The following LUC7L2 variants were observed in gnomAD, a reference collection of about 807,000 sequenced individuals.
The protein encoded by LUC7L2 is LUC7 like 2, pre-mRNA splicing factor.
Under a neutral mutation model 52.8 loss-of-function variants are expected in LUC7L2, and 25 were observed. The observed-to-expected ratio is 0.47, with a 90% confidence interval of 0.34 to 0.66. The LOEUF is 0.66. Among genes scored for constraint, LUC7L2 ranks in the 30% least tolerant of loss-of-function variants. LUC7L2 has a pLI of 0.01. For synonymous variants in LUC7L2, 144 were observed against 160.9 expected (o/e 0.89, Z 0.80); for missense variants, 328 against 497.8 (o/e 0.66, Z 3.25).
At chr7:139,377,545 C>G (rs1800780193) in intron 2 of LUC7L2, among the ~76,000 whole-genome samples, 1 of 152,098 alleles carries the variant, frequency 6.6e-6, no homozygotes, top group African/African-American at 2.4e-5. Flanking sequence ...AGGTGCCCAC[C>G]ACCATGCCCA....
chr7:139,344,046 C>T (rs1563247684), intron 1 of LUC7L2, among the ~76,000 whole-genome samples: 1 of 152,006 alleles, frequency 6.6e-6, no homozygotes, highest in East Asian at 1.9e-4. Flanking sequence ...ACATCCCCAT[C>T]TCACCTTTCC....
At chr7:139,392,145 GT>G (rs2131260735) in intron 2 of LUC7L2, among the ~76,000 whole-genome samples, 1 of 152,148 alleles carries the variant, frequency 6.6e-6, no homozygotes, top group African/African-American at 2.4e-5. Context: ...CTCTTAAAAT[GT>G]TTCTTCTTGT....
intron 9 of LUC7L2, among the ~76,000 whole-genome samples, chr7:139,418,412 T>C (rs1585139218): frequency 6.6e-6 from 1 of 152,366 alleles, no homozygotes; most frequent in Non-Finnish European, 1.5e-5. Flanking sequence ...GGTCACATGA[T>C]GGCCCTTAAA....
intron 1 of LUC7L2, among the ~76,000 whole-genome samples, chr7:139,348,732 T>A (rs1211571027): frequency 1.3e-5 from 2 of 151,762 alleles, no homozygotes; most frequent in East Asian, 3.9e-4. Context: ...AAAAAAAATA[T>A]TTATATTATG....
upstream of LUC7L2, among the ~76,000 whole-genome samples, chr7:139,356,314 C>CAAAAAAAAAAAAAAAAAA: frequency 1.2e-5 from 1 of 82,898 alleles, no homozygotes; most frequent in Non-Finnish European, 3.3e-5. Context: ...GACCCTATCT[C>CAAAAAAAAAAAAAAAAAA]AAAAAAAAAA....
At position 139,390,557 on chromosome 7, in the gene LUC7L2, GT is replaced by G. The variant is rs528049490; in HGVS notation, c.157-8026del. On this transcript the variant is annotated intron_variant, in intron 2 of 9. Coordinates refer to ENST00000354926, the MANE Select transcript of LUC7L2 (RefSeq NM_016019.5). ...TCTGTCTTATTACTTAGACAATGTAGTTTTTTTTTTTTTTTTGAGACGGAGT... is the reference window on the plus strand; with the variant it reads ...TCTGTCTTATTACTTAGACAATGTAGTTTTTTTTTTTTTTTGAGACGGAGT... 6.6e-4 allele frequency among the ~76,000 whole-genome samples: 83 copies of G among 125,182 alleles called. No homozygotes were observed. The Middle Eastern group carries it at 0.018, about 28-fold the overall frequency. 82.1% of individuals were successfully genotyped at this position (125,182 alleles called of 152,430 possible). A position where few individuals can be genotyped will look rare whatever the true frequency, so the allele number is the denominator to read the frequency against.
At chr7:139,399,416 A>T (rs1794798368) in intron 3 of LUC7L2, among the ~76,000 whole-genome samples, 1 of 140,880 alleles carries the variant, frequency 7.1e-6, no homozygotes, top group Non-Finnish European at 1.5e-5. Context: ...TCTCCCACAG[A>T]TACTGAGGGA....
At chr7:139,379,343 A>G (rs10085814) in intron 2 of LUC7L2, among the ~76,000 whole-genome samples, 58,139 of 151,444 alleles carry the variant, frequency 0.38, 15,615 homozygotes, top group African/African-American at 0.77. Context: ...CACAAAGGAA[A>G]AAAGTATCCA....
At chr7:139,385,220 T>G (rs1662699992) in intron 2 of LUC7L2, among the ~76,000 whole-genome samples, 1 of 152,028 alleles carries the variant, frequency 6.6e-6, no homozygotes, top group South Asian at 2.1e-4. Context: ...ACACACAGCC[T>G]ACTGTATTTT....
chr7:139,408,094 C>T (rs1795198407), intron 6 of LUC7L2, among the ~76,000 whole-genome samples: 3 of 152,098 alleles, frequency 2.0e-5, no homozygotes, highest in Non-Finnish European at 1.5e-5. Context: ...TTCTTTGTAA[C>T]TGTTATTGTC....
intron 2 of LUC7L2, among the ~76,000 whole-genome samples, chr7:139,381,555 G>A (rs965410455): frequency 4.7e-5 from 7 of 149,792 alleles, no homozygotes; most frequent in African/African-American, 9.9e-5. Flanking sequence ...GATTACAAAT[G>A]TGCGCCACTA....
rs1450148029 is a variant in LUC7L2, at chr7:139,360,008, G to A, written c.-254G>A. On this transcript the variant is annotated 5_prime_UTR_variant, in exon 1 of 10. Coordinates refer to ENST00000354926, the MANE Select transcript of LUC7L2 (RefSeq NM_016019.5). ...AGCTTGCTTGGCCCGTGTCGCTTCT[G>A]TCCCAAGAACCGGACGGAGAGTGAG... 1 of 491,600 alleles carries A rather than the reference G, an allele frequency of 2.0e-6. No homozygotes were observed. Among genetic ancestry groups the A allele is most frequent in the Non-Finnish European group, 3.6e-6 (1 of 277,986 alleles). 30.5% of individuals were successfully genotyped at this position (491,600 alleles called of 1,614,324 possible). A position where few individuals can be genotyped will look rare whatever the true frequency, so the allele number is the denominator to read the frequency against.
At chr7:139,355,111 TAGATCTCC>T (rs58406186), upstream of LUC7L2, among the ~76,000 whole-genome samples, 58,520 of 151,798 alleles carry the variant, frequency 0.39, 15,685 homozygotes, top group African/African-American at 0.77. Flanking sequence ...TTCTCCTGCG[TAGATCTCC>T]CAAAGTGTGG....
At chr7:139,380,476 T>C (rs900225114) in intron 2 of LUC7L2, among the ~76,000 whole-genome samples, 3 of 151,990 alleles carry the variant, frequency 2.0e-5, no homozygotes, top group African/African-American at 7.2e-5. Context: ...GGCAGGTGCC[T>C]GTGATTCCAG....
At chr7:139,417,445 C>T (rs1217608841) in intron 8 of LUC7L2, 93 bp from the exon 9 acceptor site, 9 of 1,489,984 alleles carry the variant, frequency 6.0e-6, no homozygotes, top group African/African-American at 1.4e-5. Flanking sequence ...ATTAAGACTA[C>T]TGAAAAAAAG....
intron 2 of LUC7L2, among the ~76,000 whole-genome samples, chr7:139,378,216 G>C (rs1207878210): frequency 2.0e-5 from 3 of 151,896 alleles, no homozygotes; most frequent in Non-Finnish European, 4.4e-5. Context: ...ATTGTCTATA[G>C]TATACTGTGA....
chr7:139,415,952 AAT>A (rs1355394808), intron 8 of LUC7L2, among the ~76,000 whole-genome samples: 1 of 150,698 alleles, frequency 6.6e-6, no homozygotes, highest in Non-Finnish European at 1.5e-5. Context: ...TCATATGTAT[AAT>A]ATGATTTTGA....
intron 9 of LUC7L2, among the ~76,000 whole-genome samples, chr7:139,419,995 A>AT (rs1323231920): frequency 6.6e-6 from 1 of 152,176 alleles, no homozygotes; most frequent in African/African-American, 2.4e-5. Flanking sequence ...AAAAGTTCTT[A>AT]TTGAAAGCCT....
chr7:139,341,899 C>T (rs1224970533), intron 1 of LUC7L2, among the ~76,000 whole-genome samples: 1 of 152,214 alleles, frequency 6.6e-6, no homozygotes, highest in Non-Finnish European at 1.5e-5. Context: ...TGTTGCTAGA[C>T]TTAAAGCCAC....
Sources: gnomAD v4.1 joint callset for allele counts (sites outside exome capture counted in the v4.1 genomes callset) on GRCh38, gnomAD v4.1.1 for gene constraint, MANE v1.5 for transcripts, NCBI Gene and HGNC (gene_info 2026-07-23, HGNC 2026-07-21) for gene names.